CAPN7: variants seen among roughly 807,000 people sequenced by gnomAD.
CAPN7 encodes the protein calpain 7.
A neutral mutation model predicts 115.2 loss-of-function variants in CAPN7; 72 were observed. The observed-to-expected ratio is 0.63, with a 90% CI of 0.52 to 0.76. The LOEUF (loss-of-function observed/expected upper bound fraction) is 0.76. CAPN7 is among the 30% of genes least tolerant of loss of function. CAPN7 has a pLI of 0.00. For missense variants in CAPN7, 905 were observed against 971.5 expected, an observed-to-expected ratio of 0.93 and a Z score of 0.91; for synonymous variants, 344 against 322.3, an observed-to-expected ratio of 1.07 and a Z score of -0.72.
chr3:15,250,968 A>G lies in CAPN7; in HGVS notation c.2242A>G (p.Thr748Ala), dbSNP rs540759115. The change falls in exon 20 of 21, where the codon ACT becomes GCT. Residue 748 changes from threonine to alanine, a missense_variant. Physicochemically the swap from Thr to Ala is moderately conservative, Grantham distance 58. Transcript: ENST00000253693. ...TGGATTTGAGGTTGTAACAGTTTCT[A>G]CTCTAGGAGATCCTGGTCCCCATGG... is the stretch of plus-strand genomic sequence containing the variant. ...SVGFEVVTVS[T>A]LGDPGPHGFL... 3 of 1,613,482 alleles carry G rather than the reference A, an allele frequency of 1.9e-6. No individual in the cohort carries two copies. Among genetic ancestry groups the G allele is most frequent in the African/African-American group, 2.7e-5 (2 of 75,002 alleles).
At position 15,252,079 on chromosome 3, in the gene CAPN7, A is replaced by G. The variant is rs1050841962; in HGVS notation, c.*819A>G. 6.6e-6 allele frequency: 1 copy of G among 152,632 alleles called. No individual in the cohort carries two copies. Among genetic ancestry groups the G allele is most frequent in the Non-Finnish European group, 1.5e-5 (1 of 68,038 alleles). The allele number at this position is 152,632 out of a possible 1,614,324, so 9.5% of individuals were successfully genotyped here. On this transcript the variant is annotated 3_prime_UTR_variant, in exon 21 of 21. Transcript: ENST00000253693. ...CTTTGAAGAAAATAGAGAATTTAAT[A>G]TATGGTGATTGGGATATGTAGCATT...
At chr3:15,226,484 A>G (rs1290987943) in intron 6 of CAPN7, among the ~76,000 whole-genome samples, 1 of 152,186 alleles carries the variant, frequency 6.6e-6, no homozygotes, top group Non-Finnish European at 1.5e-5. Flanking sequence ...ATGCTGAAAT[A>G]TGGTTCATAT....
chr3:15,223,728 T>C (rs1324328462), intron 6 of CAPN7, among the ~76,000 whole-genome samples, 167 bp downstream of exon 6: 1 of 152,222 alleles, frequency 6.6e-6, no homozygotes, highest in African/African-American at 2.4e-5. Flanking sequence ...ACTTTTGTTA[T>C]TTGCCCAGTC....
At chr3:15,237,265 C>T (rs1695045876) in intron 12 of CAPN7, among the ~76,000 whole-genome samples, 2 of 151,842 alleles carry the variant, frequency 1.3e-5, no homozygotes, top group South Asian at 4.1e-4. Context: ...AGGCTGTTTT[C>T]TTAAAATCCG....
chr3:15,230,420 A>G, intron 8 of CAPN7, 22 bp from the exon 9 acceptor site: 1 of 1,469,528 alleles, frequency 6.8e-7, no homozygotes, highest in South Asian at 1.1e-5. Context: ...TGGTATTTTA[A>G]TATTTATTTT....
In CAPN7 at chr3:15,235,141, T is replaced by A; in HGVS notation, c.1403T>A (p.Phe468Tyr). 6.3e-7 allele frequency: 1 copy of A among 1,594,986 alleles called. No individual in the cohort carries two copies. The highest frequency in any genetic ancestry group is 8.5e-7 in the Non-Finnish European group (1 of 1,174,636). ...TATGCTGTTTTGGATATTAGAGAGTTCAAGGTTTTGCCTTAAATCTTTTTC... is the reference window on the plus strand; with the variant it reads ...TATGCTGTTTTGGATATTAGAGAGTACAAGGTTTTGCCTTAAATCTTTTTC... ...HAYAVLDIREFKGLRFIQLKN... is the reference protein window; with the variant it reads ...HAYAVLDIREYKGLRFIQLKN... The change falls in exon 12 of 21, where the codon TTC becomes TAC. Residue 468 changes from phenylalanine to tyrosine, a missense_variant. Physicochemically the swap from Phe to Tyr is conservative, Grantham distance 22. Around this residue, in one of 3 missense-constraint regions of CAPN7, gnomAD observed 620 missense variants for 703.4 expected, o/e 0.88. Coordinates refer to ENST00000253693, the MANE Select transcript of CAPN7 (RefSeq NM_014296.3).
rs1231986634 is a variant in CAPN7, at chr3:15,206,365, CG to C, written c.-130del. Reference sequence around the variant, plus strand: ...AACGGGAAGGCGAGCTCTCCTCCACCGTCCAAAGTAAACTTTGCCGCTCCTT... The same window carrying C: ...AACGGGAAGGCGAGCTCTCCTCCACCTCCAAAGTAAACTTTGCCGCTCCTT... On this transcript the variant is annotated 5_prime_UTR_variant, in exon 1 of 21. Transcript: ENST00000253693. The C allele has an allele frequency of 1.4e-5, 9 of 648,738 alleles. No individual in the cohort carries two copies. Among genetic ancestry groups the C allele is most frequent in the Non-Finnish European group, 2.4e-5 (9 of 379,168 alleles). 40.2% of individuals were successfully genotyped at this position (648,738 alleles called of 1,614,324 possible). A position where few individuals can be genotyped will look rare whatever the true frequency, so the allele number is the denominator to read the frequency against.
rs757960802 is a variant in CAPN7 at position 15,240,666 on chromosome 3, C to T, written c.1552+49C>T. The T allele has an allele frequency of 3.3e-6, 5 of 1,536,746 alleles. No homozygotes were observed. The South Asian group carries it at 6.1e-5, about 19-fold the overall frequency. ...ATACCATTTATTCTTCAAAAAAAAA[C>T]ATGTTTTAACAAGACAAAACATGTG... On this transcript the variant is annotated intron_variant, in intron 13 of 20. Coordinates refer to ENST00000253693, the MANE Select transcript of CAPN7 (RefSeq NM_014296.3).
At chr3:15,215,069 T>C (rs975777061) in intron 2 of CAPN7, among the ~76,000 whole-genome samples, 18 of 152,342 alleles carry the variant, frequency 1.2e-4, no homozygotes, top group African/African-American at 4.3e-4. Context: ...CTTTGGTATC[T>C]TTTTCATCAA....
chr3:15,234,281 A>G lies in CAPN7; in HGVS notation c.1286+308A>G, dbSNP rs1366674911. 2.6e-5 allele frequency among the ~76,000 whole-genome samples: 4 copies of G among 152,328 alleles called. No homozygotes were observed. The East Asian group carries it at 7.7e-4, about 29-fold the overall frequency. ...TGGTGAGCCGAGATTGCACCATTGCACTCCAGCCTGGGCAACAAGAGCAAA... is the reference window on the plus strand; with the variant it reads ...TGGTGAGCCGAGATTGCACCATTGCGCTCCAGCCTGGGCAACAAGAGCAAA... On this transcript the variant is annotated intron_variant, in intron 11 of 20. Transcript: ENST00000253693.
chr3:15,233,865 A>C lies in CAPN7; in HGVS notation c.1180-2A>C. On this transcript the variant is annotated splice_acceptor_variant, in intron 10 of 20. Coordinates refer to ENST00000253693, the MANE Select transcript of CAPN7 (RefSeq NM_014296.3). LOFTEE classifies it high-confidence loss of function. Reference sequence around the variant, plus strand: ...CAGTCCTGAAATGTGTTTCTGTTGCAGAATATTGATCTTCATGCACTGACT... The same window carrying C: ...CAGTCCTGAAATGTGTTTCTGTTGCCGAATATTGATCTTCATGCACTGACT... 6.4e-7 allele frequency: 1 copy of C among 1,550,444 alleles called. No homozygotes were observed. The highest frequency in any genetic ancestry group is 8.9e-7 in the Non-Finnish European group (1 of 1,123,804).
chr3:15,251,371 T>G lies in CAPN7; in HGVS notation c.*111T>G. On this transcript the variant is annotated 3_prime_UTR_variant, in exon 21 of 21. Coordinates refer to ENST00000253693, the MANE Select transcript of CAPN7 (RefSeq NM_014296.3). Reference sequence around the variant, plus strand: ...AACAATCAGAATGGAATTAAATCTCTAAAAACGTGTTACAGTGGAATCTGG... The same window carrying G: ...AACAATCAGAATGGAATTAAATCTCGAAAAACGTGTTACAGTGGAATCTGG... The G allele has an allele frequency of 1.1e-6, 1 of 931,030 alleles. No homozygotes were observed. The highest frequency in any genetic ancestry group is 1.6e-6 in the Non-Finnish European group (1 of 620,290). 57.7% of individuals were successfully genotyped at this position (931,030 alleles called of 1,614,324 possible).
Position 15,238,916 on chromosome 3 carries a change from T to G in CAPN7, c.1408-1557T>G, listed in dbSNP as rs141098168. Among the ~76,000 whole-genome samples, 393 of 142,568 alleles carry G rather than the reference T, an allele frequency of 2.8e-3. 6 individuals carry two copies. Among genetic ancestry groups the G allele is most frequent in the African/African-American group, 9.8e-3 (373 of 37,998 alleles). 93.5% of individuals were successfully genotyped at this position (142,568 alleles called of 152,430 possible). A position where few individuals can be genotyped will look rare whatever the true frequency, so the allele number is the denominator to read the frequency against. On this transcript the variant is annotated intron_variant, in intron 12 of 20. Coordinates refer to ENST00000253693, the MANE Select transcript of CAPN7 (RefSeq NM_014296.3). Reference sequence around the variant, plus strand: ...CTTTTTAGAGCTGGTTCTCTACCCATCCAAACAAAATCTACATCCATATCT... The same window carrying G: ...CTTTTTAGAGCTGGTTCTCTACCCAGCCAAACAAAATCTACATCCATATCT...
chr3:15,240,363 T>C, intron 12 of CAPN7, 110 bp from the exon 13 acceptor site: 1 of 991,414 alleles, frequency 1.0e-6, no homozygotes, highest in Middle Eastern at 3.2e-4. Flanking sequence ...TTCAAGTTGA[T>C]TTGAGGGGAA....
intron 15 of CAPN7, 34 bp from the exon 16 acceptor site, chr3:15,242,144 T>C: frequency 5.5e-6 from 8 of 1,449,474 alleles, no homozygotes; most frequent in Non-Finnish European, 7.6e-6. Flanking sequence ...TTTGAACCCA[T>C]TTTCTAACCA....
At position 15,229,002 on chromosome 3, in the gene CAPN7, C is replaced by T; in HGVS notation, c.881C>T (p.Ala294Val). The change falls in exon 8 of 21, where the codon GCA (alanine) becomes GTA (valine). Residue 294 changes from alanine to valine, a missense_variant. Ala to Val is a moderately conservative substitution (Grantham distance 64). Around this residue, in one of 3 missense-constraint regions of CAPN7, gnomAD observed 620 missense variants for 703.4 expected, o/e 0.88. Transcript: ENST00000253693. Reference protein sequence around the residue: ...QTIVSDCSFVASLAISAAYER... With the variant: ...QTIVSDCSFVVSLAISAAYER... ...ATAGTATCGGATTGCTCCTTTGTGG[C>T]ATCACTGGCCATCAGTGCAGCTTAT... is the stretch of plus-strand genomic sequence containing the variant. The T allele has an allele frequency of 3.7e-6, 6 of 1,612,858 alleles. No individual in the cohort carries two copies. The highest frequency in any genetic ancestry group is 5.1e-6 in the Non-Finnish European group (6 of 1,179,096).
intron 5 of CAPN7, among the ~76,000 whole-genome samples, chr3:15,222,272 G>A (rs773271501): frequency 6.6e-6 from 1 of 152,080 alleles, no homozygotes; most frequent in Non-Finnish European, 1.5e-5. Context: ...TGTTCCACAA[G>A]GAGCTGTACC....
intron 15 of CAPN7, 91 bp downstream of exon 15, chr3:15,241,679 T>A: frequency 9.8e-7 from 1 of 1,018,894 alleles, no homozygotes. Context: ...CCAGCCTGTT[T>A]AATTTACATA....
intron 2 of CAPN7, among the ~76,000 whole-genome samples, chr3:15,214,756 TC>T (rs530711835): frequency 7.7e-4 from 117 of 152,314 alleles, no homozygotes; most frequent in African/African-American, 2.8e-3. Context: ...AGTACAGAGT[TC>T]AAGACTTGGA....
Sources: gnomAD v4.1 joint callset for allele counts (sites outside exome capture counted in the v4.1 genomes callset) on GRCh38, gnomAD v4.1.1 for gene constraint, gnomAD v4.1.1 regional missense constraint, MANE v1.5 for transcripts, NCBI Gene and HGNC (gene_info 2026-07-23, HGNC 2026-07-21) for gene names.